DIAPH2: variants seen among roughly 807,000 people sequenced by gnomAD.
The protein encoded by DIAPH2 is diaphanous related formin 2.
In DIAPH2, 35 loss-of-function variants were observed where a neutral mutation model predicts 92.7. The ratio of observed to expected loss-of-function variants is 0.38; its 90% CI spans 0.29 to 0.50. The LOEUF (loss-of-function observed/expected upper bound fraction) is 0.50, where lower values mean the gene tolerates loss of function less well. Ranked by LOEUF, DIAPH2 falls within the 20% of genes least tolerant of loss-of-function variation. The pLI is 0.94. For synonymous variants in DIAPH2, 301 were observed against 280.4 expected (o/e 1.07, Z -0.73); for missense variants, 701 against 819.5 (o/e 0.86, Z 1.77).
At chrX:96,792,809 T>G (rs1389173995) in intron 4 of DIAPH2, among the ~76,000 whole-genome samples, 1 of 112,220 alleles carries the variant, frequency 8.9e-6, no homozygotes, top group Non-Finnish European at 1.9e-5. Context: ...GTATGTAAAT[T>G]TAATGTAACT....
At chrX:97,199,489 G>A (rs1019558255) in intron 22 of DIAPH2, among the ~76,000 whole-genome samples, 3 of 111,372 alleles carry the variant, frequency 2.7e-5, no homozygotes, top group African/African-American at 9.8e-5. Context: ...GCTTGATCCA[G>A]GGATATTTCT....
chrX:97,244,151 T>C (rs1243904845), intron 22 of DIAPH2, among the ~76,000 whole-genome samples: 3 of 112,115 alleles, frequency 2.7e-5, no homozygotes, highest in African/African-American at 9.7e-5. Context: ...TGGAGAGATT[T>C]ATAGAGGACT....
chrX:97,495,398 T>A, intron 26 of DIAPH2, among the ~76,000 whole-genome samples: 1 of 112,172 alleles, frequency 8.9e-6, no homozygotes, highest in Non-Finnish European at 1.9e-5. Context: ...ATGAGCAATA[T>A]AATTTAATGC....
chrX:97,389,528 C>T (rs1218900645), intron 25 of DIAPH2, among the ~76,000 whole-genome samples: 2 of 109,470 alleles, frequency 1.8e-5, no homozygotes, highest in Admixed American at 9.8e-5. Flanking sequence ...ATCTTTCTCC[C>T]ACACTACAGC....
At chrX:96,784,572 T>TA (rs1290579037) in intron 4 of DIAPH2, among the ~76,000 whole-genome samples, 3 of 111,802 alleles carry the variant, frequency 2.7e-5, no homozygotes, top group Non-Finnish European at 5.6e-5. Context: ...ATCAGGGCTT[T>TA]AAAAAAGTGT....
At chrX:97,274,950 G>T (rs759017477) in intron 23 of DIAPH2, among the ~76,000 whole-genome samples, 1 of 111,255 alleles carries the variant, frequency 9.0e-6, no homozygotes, top group African/African-American at 3.3e-5. Context: ...AGAGAGCACC[G>T]GGTTGGGGGT....
chrX:96,851,036 C>CAA (rs1230643458), intron 4 of DIAPH2, among the ~76,000 whole-genome samples: 2 of 111,490 alleles, frequency 1.8e-5, no homozygotes, highest in African/African-American at 3.3e-5. Context: ...CCTGGGAGAG[C>CAA]ATTAACATCT....
chrX:97,204,752 T>C, intron 22 of DIAPH2, among the ~76,000 whole-genome samples: 1 of 111,778 alleles, frequency 8.9e-6, no homozygotes, highest in Non-Finnish European at 1.9e-5. Context: ...CTGCCCAAAG[T>C]AATGTATGGA....
intron 1 of DIAPH2, among the ~76,000 whole-genome samples, chrX:96,722,773 A>C (rs2063996777): frequency 8.9e-6 from 1 of 111,932 alleles, no homozygotes; most frequent in African/African-American, 3.3e-5. Context: ...TTGAACTAAG[A>C]CCTTGGGAGT....
rs1158631274 is a variant in DIAPH2 at position 96,962,296 on chromosome X, T to TACAC, written c.1936-2796_1936-2795insCACA. Among the ~76,000 whole-genome samples the TACAC allele has an allele frequency of 9.0e-4, 54 of 60,039 alleles. No individual in the cohort carries two copies. The South Asian group carries it at 0.037, about 41-fold the overall frequency. 52.1% of individuals were successfully genotyped at this position (60,039 alleles called of 115,157 possible). ...ATACATATATATATACATATATATA[T>TACAC]ATACATATATATATACATATATATA... On this transcript the variant is annotated intron_variant, in intron 16 of 26. Coordinates refer to ENST00000324765, the MANE Select transcript of DIAPH2 (RefSeq NM_006729.5).
At chrX:97,309,597 G>T (rs1387332884) in intron 23 of DIAPH2, among the ~76,000 whole-genome samples, 2 of 111,607 alleles carry the variant, frequency 1.8e-5, no homozygotes, top group African/African-American at 6.5e-5. Context: ...TATAGAAAAT[G>T]CTTTATAAAT....
chrX:96,989,317 C>T (rs2066052770), intron 17 of DIAPH2, among the ~76,000 whole-genome samples: 1 of 110,183 alleles, frequency 9.1e-6, no homozygotes, highest in Non-Finnish European at 1.9e-5. Flanking sequence ...CTTATTTCTT[C>T]GTGCTCCATT....
chrX:97,514,342 C>A (rs2070922230), intron 26 of DIAPH2, among the ~76,000 whole-genome samples: 1 of 112,109 alleles, frequency 8.9e-6, no homozygotes, highest in African/African-American at 3.2e-5. Flanking sequence ...AGTTCTCGAG[C>A]CTTGGTTTTC....
chrX:97,397,645 CTTGTT>C (rs2069717468), intron 25 of DIAPH2, among the ~76,000 whole-genome samples: 1 of 111,667 alleles, frequency 9.0e-6, no homozygotes, highest in African/African-American at 3.3e-5. Flanking sequence ...ATCATAGTGT[CTTGTT>C]TTGTTTGTCT....
intron 26 of DIAPH2, among the ~76,000 whole-genome samples, chrX:97,471,460 G>A (rs1428274993): frequency 9.0e-6 from 1 of 110,802 alleles, no homozygotes; most frequent in Non-Finnish European, 1.9e-5. Context: ...AGAGGCCAAG[G>A]CGGGCGGATC....
intron 22 of DIAPH2, among the ~76,000 whole-genome samples, chrX:97,155,094 C>T (rs1015155394): frequency 3.6e-5 from 4 of 112,122 alleles, no homozygotes; most frequent in Non-Finnish European, 7.5e-5. Flanking sequence ...CAAACTATAT[C>T]GTATTCTCAG....
intron 22 of DIAPH2, among the ~76,000 whole-genome samples, chrX:97,180,515 C>A (rs956682518): frequency 9.0e-6 from 1 of 111,672 alleles, no homozygotes; most frequent in African/African-American, 3.3e-5. Context: ...TTAATTAGAT[C>A]CCCTTTGTTC....
rs746097039 is a variant in DIAPH2 at position 97,457,647 on chromosome X, C to G, written c.3241+27902C>G. Among the ~76,000 whole-genome samples, 3 of 111,691 alleles carry G rather than the reference C, an allele frequency of 2.7e-5. No individual in the cohort carries two copies. The South Asian group carries it at 1.1e-3, about 42-fold the overall frequency. On this transcript the variant is annotated intron_variant, in intron 26 of 26. Transcript: ENST00000324765. ...AGGATCTACTCCAAGATCAGTTCTT[C>G]ACTATACGGGCCTCTCTATAGAGCT...
intron 17 of DIAPH2, among the ~76,000 whole-genome samples, chrX:96,995,876 T>A (rs1199346168): frequency 9.1e-6 from 1 of 109,905 alleles, no homozygotes; most frequent in Non-Finnish European, 1.9e-5. Flanking sequence ...TAAAAAAATG[T>A]GACATCAGGC....
Sources: gnomAD v4.1 joint callset for allele counts (sites outside exome capture counted in the v4.1 genomes callset) on GRCh38, gnomAD v4.1.1 for gene constraint, MANE v1.5 for transcripts, NCBI Gene and HGNC (gene_info 2026-07-23, HGNC 2026-07-21) for gene names.